The following ITGA5 variants were observed in gnomAD, a reference collection of about 807,000 sequenced individuals.
ITGA5 encodes the protein integrin subunit alpha 5, also known as integrin alpha-5.
Under a neutral mutation model 146.3 loss-of-function variants are expected in ITGA5, and 55 were observed. The observed-to-expected ratio is 0.38, with a 90% confidence interval of 0.30 to 0.47. The LOEUF (loss-of-function observed/expected upper bound fraction) is 0.47. Ranked by LOEUF, ITGA5 falls within the 20% of genes least tolerant of loss-of-function variation. ITGA5 has a pLI of 0.99. For synonymous variants in ITGA5, 500 were observed against 531.8 expected (o/e 0.94, Z 0.82); for missense variants, 1,131 against 1,329.0 (o/e 0.85, Z 2.32).
intron 14 of ITGA5, 49 bp from the exon 15 acceptor site, chr12:54,404,295 C>T: frequency 1.3e-6 from 2 of 1,583,348 alleles, no homozygotes; most frequent in Non-Finnish European, 1.7e-6. Flanking sequence ...CCTCTGTAAC[C>T]TGGACACAGG....
Position 54,399,931 on chromosome 12 carries a change from GAACCC to G in ITGA5, c.2655_2659del (p.Glu885AspfsTer29), listed in dbSNP as rs748393752. 6.2e-7 allele frequency: 1 copy of G among 1,613,950 alleles called. No homozygotes were observed. The highest frequency in any genetic ancestry group is 8.5e-7 in the Non-Finnish European group (1 of 1,179,844). On this transcript the variant is annotated frameshift_variant, in exon 26 of 30. Transcript: ENST00000293379. LOFTEE classifies it high-confidence loss of function. ...TTCCCGTTTTTGCTGGTGGTGCAGG[GAACCC>G]TCGGGATCCAACTATAAAAGAAAGT...
At position 54,403,446 on chromosome 12, in the gene ITGA5, T is replaced by C. The variant is rs1304797536; in HGVS notation, c.1777-122A>G. ...CCCAATTCCGACCATCCTCATTGTTTCAGAGGCCCTGGCAGCCTGCTTCCC... is the reference window on the plus strand; with the variant it reads ...CCCAATTCCGACCATCCTCATTGTTCCAGAGGCCCTGGCAGCCTGCTTCCC... On this transcript the variant is annotated intron_variant, in intron 17 of 29. Transcript: ENST00000293379. The surrounding 1 kb of genome is among the most constrained non-coding windows in gnomAD (Gnocchi z 4.9). 4.5e-6 allele frequency: 6 copies of C among 1,331,582 alleles called. No homozygotes were observed. The highest frequency in any genetic ancestry group is 2.0e-6 in the Non-Finnish European group (2 of 978,302). The allele number at this position is 1,331,582 out of a possible 1,614,324, so 82.5% of individuals were successfully genotyped here. A position where few individuals can be genotyped will look rare whatever the true frequency, so the allele number is the denominator to read the frequency against.
rs773147106 is a variant in ITGA5 at position 54,409,328 on chromosome 12, G to T, written c.487C>A (p.Arg163Ser). 3.1e-6 allele frequency: 5 copies of T among 1,613,450 alleles called. No individual in the cohort carries two copies. The highest frequency in any genetic ancestry group is 1.3e-5 in the African/African-American group (1 of 75,014). ...ILACAPLYSW[R>S]TEKEPLSDPV... The stretch of plus-strand genomic sequence containing the variant: ...TCGCTCAGTGGCTCCTTCTCTGTGC[G>T]CCAGCTGTACAGTGGAGCGCATGCC... The change falls in exon 4 of 30, where the codon CGC becomes AGC. Residue 163 changes from arginine (R) to serine (S), a missense_variant. Physicochemically the swap from Arg to Ser is moderately radical, Grantham distance 110. Around this residue, in one of 3 missense-constraint regions of ITGA5, gnomAD observed 67 missense variants for 128.2 expected, o/e 0.52. Coordinates refer to ENST00000293379, the MANE Select transcript of ITGA5 (RefSeq NM_002205.5). The surrounding 1 kb of genome is among the most constrained non-coding windows in gnomAD (Gnocchi z 4.7).
chr12:54,406,722 C>A (rs987672980), intron 9 of ITGA5, among the ~76,000 whole-genome samples: 9 of 152,206 alleles, frequency 5.9e-5, no homozygotes, highest in Admixed American at 4.6e-4. Context: ...ATTCATGCTC[C>A]TGCACAGGAT....
In ITGA5 at chr12:54,396,110, G is replaced by C. The variant is rs377391163; in HGVS notation, c.*183C>G. On this transcript the variant is annotated 3_prime_UTR_variant, in exon 30 of 30. Transcript: ENST00000293379. Reference sequence around the variant, plus strand: ...AACAAGGGTCCTTCACAGTGCATGGGGGGGAGGGATCCCCAGCTCCTCACC... The same window carrying C: ...AACAAGGGTCCTTCACAGTGCATGGCGGGGAGGGATCCCCAGCTCCTCACC... 960 of 589,810 alleles carry C rather than the reference G, an allele frequency of 1.6e-3. 3 individuals are homozygous for C. Among genetic ancestry groups the C allele is most frequent in the South Asian group, 5.8e-3 (294 of 50,324 alleles). 36.5% of individuals were successfully genotyped at this position (589,810 alleles called of 1,614,324 possible).
chr12:54,396,105 C>T lies in ITGA5; in HGVS notation c.*188G>A. 1 of 586,616 alleles carries T rather than the reference C, an allele frequency of 1.7e-6. No individual in the cohort carries two copies. The allele number at this position is 586,616 out of a possible 1,614,324, so 36.3% of individuals were successfully genotyped here. On this transcript the variant is annotated 3_prime_UTR_variant, in exon 30 of 30. Coordinates refer to ENST00000293379, the MANE Select transcript of ITGA5 (RefSeq NM_002205.5). Reference sequence around the variant, plus strand: ...GTGTAAACAAGGGTCCTTCACAGTGCATGGGGGGGAGGGATCCCCAGCTCC... The same window carrying T: ...GTGTAAACAAGGGTCCTTCACAGTGTATGGGGGGGAGGGATCCCCAGCTCC...
chr12:54,398,572 T>C (rs778445958), intron 28 of ITGA5, 25 bp downstream of exon 28: 16 of 1,546,246 alleles, frequency 1.0e-5, no homozygotes, highest in Non-Finnish European at 1.2e-5. Context: ...TATTCCCTCA[T>C]CCAGTCCTCT....
chr12:54,405,128 C>T (rs772562962), intron 12 of ITGA5, 38 bp downstream of exon 12: 5 of 1,521,268 alleles, frequency 3.3e-6, no homozygotes, highest in Non-Finnish European at 4.4e-6. Context: ...ACTTGGGCCC[C>T]TGCCTCCTCT....
rs138124405 is a variant in ITGA5 at position 54,408,141 on chromosome 12, C to T, written c.786G>A (p.Gln262=). The T allele has an allele frequency of 3.1e-6, 5 of 1,614,034 alleles. No homozygotes were observed. In the African/African-American group the frequency reaches 5.3e-5, roughly 17 times the overall value. Reference sequence around the variant, plus strand: ...AGCTGTCATCATAGATGGAACTGGCCTGGCGAGTCTGCAGCTGCCCCTGAA... The same window carrying T: ...AGCTGTCATCATAGATGGAACTGGCTTGGCGAGTCTGCAGCTGCCCCTGAA... ...NLVQGQLQTR[Q]ASSIYDDSYL... Residue 262 remains glutamine, a synonymous_variant, in exon 7 of 30, where the codon CAG becomes CAA. Transcript: ENST00000293379.
At chr12:54,407,908 C>T (rs1431089151) in intron 7 of ITGA5, 32 bp from the exon 8 acceptor site, 2 of 1,559,530 alleles carry the variant, frequency 1.3e-6, no homozygotes, top group East Asian at 2.2e-5. Context: ...TGTTAGGATT[C>T]CTGCTTTGAG....
Position 54,407,631 on chromosome 12 carries a change from G to T in ITGA5, c.906+18C>A. 6.2e-7 allele frequency: 1 copy of T among 1,604,752 alleles called. No homozygotes were observed. The highest frequency in any genetic ancestry group is 2.2e-5 in the East Asian group (1 of 44,836). ...AGGCAGGGGAGGAGAGGAAGTGAGG[G>T]GTCAGGCTGGGTCTTACATAGCCGT... is the stretch of plus-strand genomic sequence containing the variant. On this transcript the variant is annotated intron_variant, in intron 9 of 29. Transcript: ENST00000293379.
chr12:54,408,060 G>A lies in ITGA5; in HGVS notation c.817+50C>T, dbSNP rs1225737625. 5.6e-6 allele frequency: 9 copies of A among 1,610,582 alleles called. No homozygotes were observed. The African/African-American group carries it at 1.1e-4, about 19-fold the overall frequency. On this transcript the variant is annotated intron_variant, in intron 7 of 29. Transcript: ENST00000293379. ...GAGGCGAGGGGGTGAGTGGGGACAG[G>A]AGCACTTGAGGTTCTCCCTCTGCCA... is the stretch of plus-strand genomic sequence containing the variant.
In ITGA5 at chr12:54,401,617, G is replaced by A. The variant is rs757019654; in HGVS notation, c.2355C>T (p.Ser785=). The change falls in exon 23 of 30, where the codon TCC becomes TCT. Residue 785 remains serine, a synonymous_variant. Coordinates refer to ENST00000293379, the MANE Select transcript of ITGA5 (RefSeq NM_002205.5). This position sits in a 1 kb window ranked among gnomAD's most constrained non-coding sequence, Gnocchi z 5.0. ...GGGTGACCTGGGCCTGAGCCTCCAC[G>A]GAGAGCCGAAAGGAAACCACGTCGC... The part of the protein sequence containing the change: ...SQSDVVSFRL[S]VEAQAQVTLN... The A allele has an allele frequency of 2.0e-5, 33 of 1,614,142 alleles. No homozygotes were observed. Among genetic ancestry groups the A allele is most frequent in the South Asian group, 1.1e-4 (10 of 91,078 alleles).
Position 54,402,051 on chromosome 12 carries a change from T to C in ITGA5, c.2176A>G (p.Ser726Gly). 1 of 1,614,098 alleles carries C rather than the reference T, an allele frequency of 6.2e-7. No homozygotes were observed. The highest frequency in any genetic ancestry group is 8.5e-7 in the Non-Finnish European group (1 of 1,180,024). Residue 726 changes from serine to glycine, a missense_variant, in exon 21 of 30, where the codon AGC becomes GGC. Transcript: ENST00000293379. ...LSCDYFAVNQ[S>G]RLLVCDLGNP... ...CCCAGGTCACACACCAGCAGGCGGC[T>C]CTGGTTCACGGCAAAGTAGTCACAG...
intron 27 of ITGA5, 132 bp from the exon 28 acceptor site, chr12:54,398,830 T>C: frequency 2.5e-6 from 1 of 407,106 alleles, no homozygotes; most frequent in Non-Finnish European, 4.3e-6. Context: ...TCTCTCTCTC[T>C]CTCTCTTTTT....
At chr12:54,408,996 GGGTCATCCA>G (rs769677327) in intron 4 of ITGA5, 42 bp from the exon 5 acceptor site, 1 of 1,583,642 alleles carries the variant, frequency 6.3e-7, no homozygotes, top group South Asian at 1.1e-5. Flanking sequence ...CTGCATAGAT[GGGTCATCCA>G]GGAAAGAAGA....
Position 54,403,728 on chromosome 12 carries a change from C to T in ITGA5, c.1673G>A (p.Arg558Gln), listed in dbSNP as rs772988549. The T allele has an allele frequency of 1.4e-5, 23 of 1,614,100 alleles. No homozygotes were observed. Among genetic ancestry groups the T allele is most frequent in the African/African-American group, 2.7e-5 (2 of 74,948 alleles). Residue 558 changes from arginine (R) to glutamine (Q), a missense_variant, in exon 17 of 30, where the codon CGG becomes CAG. By Grantham distance (43) the Arg-to-Gln change is conservative. Around this residue, in one of 3 missense-constraint regions of ITGA5, gnomAD observed 889 missense variants for 1,021.5 expected, o/e 0.87. Transcript: ENST00000293379. The surrounding 1 kb of genome is among the most constrained non-coding windows in gnomAD (Gnocchi z 4.9). Reference protein sequence around the residue: ...LDWQKQKGGVRRALFLASRQA... With the variant: ...LDWQKQKGGVQRALFLASRQA... ...CCTGGAGGCCAGGAACAGTGCCCGC[C>T]GTACCCCTCCCTTCTGCTTCTGCCA...
intron 1 of ITGA5, among the ~76,000 whole-genome samples, chr12:54,412,727 G>A (rs1313806809): frequency 1.3e-5 from 2 of 152,220 alleles, no homozygotes; most frequent in African/African-American, 2.4e-5. Context: ...ATGAGGGGAA[G>A]TTTGCCCTGT....
Position 54,403,749 on chromosome 12 carries a change from T to C in ITGA5, c.1652A>G (p.Gln551Arg). ...GFTVELQLDW[Q>R]KQKGGVRRAL... ...CCGCCGTACCCCTCCCTTCTGCTTCTGCCAGTCCAGCTGAAGTTCCACTGT... is the reference window on the plus strand; with the variant it reads ...CCGCCGTACCCCTCCCTTCTGCTTCCGCCAGTCCAGCTGAAGTTCCACTGT... Residue 551 changes from glutamine to arginine, a missense_variant, in exon 17 of 30, where the codon CAG (glutamine) becomes CGG (arginine). Physicochemically the swap from Gln to Arg is conservative, Grantham distance 43 (BLOSUM62 1). This residue lies in a region of ITGA5 where 889 missense variants were observed against 1,021.5 expected (regional missense o/e 0.87). Transcript: ENST00000293379. The surrounding 1 kb of genome is among the most constrained non-coding windows in gnomAD (Gnocchi z 4.9). 6.2e-7 allele frequency: 1 copy of C among 1,614,194 alleles called. No homozygotes were observed.
Sources: allele counts gnomAD v4.1 joint callset (sites outside exome capture counted in the v4.1 genomes callset), GRCh38; gene constraint gnomAD v4.1.1; regional missense constraint gnomAD v4.1.1; non-coding constraint Gnocchi (gnomAD v3.1); transcripts MANE v1.5; gene names NCBI Gene and HGNC (gene_info 2026-07-23, HGNC 2026-07-21).